The following TTC28 variants were observed in gnomAD, a reference collection of about 807,000 sequenced individuals.
TTC28 encodes the protein tetratricopeptide repeat protein 28.
TTC28 carries 61 observed loss-of-function variants against 198.0 expected under a neutral mutation model. That is an observed-to-expected ratio of 0.31 (90% CI 0.25 to 0.38). The LOEUF is 0.38. Among genes scored for constraint, TTC28 ranks in the 10% least tolerant of loss-of-function variants. The pLI is 1.00. For synonymous variants in TTC28, 1,171 were observed against 1,297.8 expected (o/e 0.90, Z 2.10); for missense variants, 2,678 against 3,164.0 (o/e 0.85, Z 3.69).
intron 6 of TTC28, among the ~76,000 whole-genome samples, chr22:28,140,377 T>A (rs897363581): frequency 1.3e-5 from 2 of 152,152 alleles, no homozygotes; most frequent in African/African-American, 4.8e-5. Flanking sequence ...AAGGTCCCAG[T>A]GGACTTTTTC....
At chr22:28,415,969 T>A (rs1044149308) in intron 2 of TTC28, among the ~76,000 whole-genome samples, 11 of 152,230 alleles carry the variant, frequency 7.2e-5, no homozygotes, top group Admixed American at 1.3e-4. Context: ...AGTTTCAGAA[T>A]GTGTTTATCT....
intron 5 of TTC28, among the ~76,000 whole-genome samples, chr22:28,283,600 C>CA (rs1283403666): frequency 6.6e-6 from 1 of 152,152 alleles, no homozygotes; most frequent in Non-Finnish European, 1.5e-5. Context: ...ACTGTTCATG[C>CA]AAACCCACAG....
At chr22:28,585,272 CCAT>C (rs1426394828) in intron 2 of TTC28, among the ~76,000 whole-genome samples, 1 of 152,100 alleles carries the variant, frequency 6.6e-6, no homozygotes, top group Non-Finnish European at 1.5e-5. Context: ...ATACAACTCA[CCAT>C]AATGTAGAAT....
chr22:28,434,076 T>C (rs1269017329), intron 2 of TTC28, among the ~76,000 whole-genome samples: 1 of 152,146 alleles, frequency 6.6e-6, no homozygotes, highest in Non-Finnish European at 1.5e-5. Flanking sequence ...CTTAGTTTAA[T>C]AAGTAGATAG....
At chr22:28,022,309 G>A (rs755212827) in intron 13 of TTC28, among the ~76,000 whole-genome samples, 1 of 152,246 alleles carries the variant, frequency 6.6e-6, no homozygotes, top group African/African-American at 2.4e-5. Context: ...CAGGGGTCAG[G>A]GAGGGTCCTC....
chr22:28,361,540 G>A (rs561607161), intron 2 of TTC28, among the ~76,000 whole-genome samples: 1 of 152,170 alleles, frequency 6.6e-6, no homozygotes, highest in African/African-American at 2.4e-5. Flanking sequence ...GAGGTTTAAG[G>A]AAAAAAGCTG....
intron 2 of TTC28, among the ~76,000 whole-genome samples, chr22:28,533,515 A>AT (rs1429079116): frequency 1.3e-5 from 2 of 152,228 alleles, no homozygotes; most frequent in Admixed American, 1.3e-4. Context: ...TGCCATCCCC[A>AT]TCAAGCTACC....
At chr22:28,205,668 T>A (rs1037536221) in intron 5 of TTC28, among the ~76,000 whole-genome samples, 1 of 152,070 alleles carries the variant, frequency 6.6e-6, no homozygotes, top group South Asian at 2.1e-4. Flanking sequence ...GGGATAAATA[T>A]ATATAAATTA....
At chr22:28,602,421 A>G (rs1329600618) in intron 2 of TTC28, among the ~76,000 whole-genome samples, 2 of 152,220 alleles carry the variant, frequency 1.3e-5, no homozygotes, top group African/African-American at 2.4e-5. Flanking sequence ...TACTGTATCA[A>G]TGATAATGTT....
At chr22:28,211,138 A>G (rs1057407531) in intron 5 of TTC28, among the ~76,000 whole-genome samples, 1 of 152,180 alleles carries the variant, frequency 6.6e-6, no homozygotes, top group South Asian at 2.1e-4. Flanking sequence ...GGAAGCACTA[A>G]ACATGGAAAG....
chr22:27,995,563 G>A (rs1937536739), intron 17 of TTC28, among the ~76,000 whole-genome samples: 1 of 152,170 alleles, frequency 6.6e-6, no homozygotes, highest in South Asian at 2.1e-4. Context: ...TGTTGGGGCA[G>A]GCTGATCAAG....
intron 2 of TTC28, among the ~76,000 whole-genome samples, chr22:28,393,518 C>T (rs1302246190): frequency 2.0e-5 from 3 of 151,894 alleles, no homozygotes; most frequent in African/African-American, 4.8e-5. Context: ...ATAGTGAGAC[C>T]TCATCTCCAC....
At chr22:28,301,243 T>C (rs1438201339) in intron 3 of TTC28, among the ~76,000 whole-genome samples, 1 of 152,188 alleles carries the variant, frequency 6.6e-6, no homozygotes, top group Non-Finnish European at 1.5e-5. Flanking sequence ...CTTGGGCTAT[T>C]AGCAAAGGGA....
chr22:28,087,376 T>A (rs1255486241), intron 12 of TTC28, among the ~76,000 whole-genome samples: 2 of 152,146 alleles, frequency 1.3e-5, no homozygotes, highest in Non-Finnish European at 2.9e-5. Flanking sequence ...TCAATAAATG[T>A]AATCCAGTAT....
intron 1 of TTC28, among the ~76,000 whole-genome samples, chr22:28,647,814 G>A (rs1228431486): frequency 1.3e-5 from 2 of 151,678 alleles, no homozygotes; most frequent in Non-Finnish European, 2.9e-5. Flanking sequence ...ACTCCAGCCT[G>A]GGCGACAGAG....
chr22:28,069,674 T>C (rs1940887143), intron 12 of TTC28, among the ~76,000 whole-genome samples: 2 of 152,182 alleles, frequency 1.3e-5, no homozygotes, highest in African/African-American at 4.8e-5. Context: ...GTTTGACTCA[T>C]TTTCAAAGAC....
chr22:28,540,238 G>A (rs964717119), intron 2 of TTC28, among the ~76,000 whole-genome samples: 4 of 151,950 alleles, frequency 2.6e-5, no homozygotes, highest in Admixed American at 6.6e-5. Context: ...GAGCCACTGC[G>A]CCTGGCCCAG....
At chr22:28,402,731 A>C (rs1211613173) in intron 2 of TTC28, among the ~76,000 whole-genome samples, 2 of 152,220 alleles carry the variant, frequency 1.3e-5, no homozygotes, top group African/African-American at 4.8e-5. Context: ...TCAAACAGTC[A>C]TTCTAAAACT....
intron 5 of TTC28, among the ~76,000 whole-genome samples, chr22:28,285,827 T>C (rs77923367): frequency 0.016 from 2,399 of 152,218 alleles, 83 homozygotes; most frequent in African/African-American, 0.056. Flanking sequence ...GACTTATATA[T>C]GGTATTTTTT....
Sources: allele counts gnomAD v4.1 joint callset (sites outside exome capture counted in the v4.1 genomes callset), GRCh38; gene constraint gnomAD v4.1.1; transcripts MANE v1.5; gene names NCBI Gene and HGNC (gene_info 2026-07-23, HGNC 2026-07-21).